ABL1: variants seen among roughly 807,000 people sequenced by gnomAD.
ABL1 encodes the protein ABL proto-oncogene 1, non-receptor tyrosine kinase.
Under a neutral mutation model 94.7 loss-of-function variants are expected in ABL1, and 11 were observed. The ratio of observed to expected loss-of-function variants is 0.12; its 90% CI spans 0.07 to 0.19. The LOEUF (loss-of-function observed/expected upper bound fraction) is 0.19. ABL1 is among the 10% of genes least tolerant of loss of function. The pLI, the probability that ABL1 is intolerant of heterozygous loss-of-function variation, is 1.00. For missense variants in ABL1, 1,082 were observed against 1,489.4 expected (o/e 0.73, Z 4.50); for synonymous variants, 656 against 622.4 (o/e 1.05, Z -0.80).
Position 130,872,772 on chromosome 9 carries a change from A to G in ABL1, c.908-88A>G. 1 of 1,392,236 alleles carries G rather than the reference A, an allele frequency of 7.2e-7. No homozygotes were observed. The highest frequency in any genetic ancestry group is 9.8e-7 in the Non-Finnish European group (1 of 1,015,500). 86.2% of individuals were successfully genotyped at this position (1,392,236 alleles called of 1,614,324 possible). ...GCCCAGGACTGAGGAGCAGAGTCAG[A>G]ATCCTTCAGAAGGCTTTTTCTTTAG... is the stretch of plus-strand genomic sequence containing the variant. On this transcript the variant is annotated intron_variant, in intron 5 of 10. Transcript: ENST00000318560. The surrounding 1 kb of genome is among the most constrained non-coding windows in gnomAD (Gnocchi z 5.0).
chr9:130,860,013 C>A (rs569967738), intron 3 of ABL1, among the ~76,000 whole-genome samples: 1 of 152,154 alleles, frequency 6.6e-6, no homozygotes, highest in Admixed American at 6.5e-5. Flanking sequence ...TGACAAGTCC[C>A]ATCCTTCAGG....
At chr9:130,794,381 T>C (rs1829947436) in intron 1 of ABL1, among the ~76,000 whole-genome samples, 1 of 152,230 alleles carries the variant, frequency 6.6e-6, no homozygotes, top group Admixed American at 6.5e-5. Context: ...TCAAGAGACT[T>C]TGCTTTATGA....
At chr9:130,836,550 G>A (rs1377988925) in intron 1 of ABL1, among the ~76,000 whole-genome samples, 4 of 152,122 alleles carry the variant, frequency 2.6e-5, no homozygotes, top group Admixed American at 6.5e-5. Flanking sequence ...GTGGCCGGGC[G>A]CGGTGGCTCA....
At chr9:130,871,669 G>T (rs553554668) in intron 4 of ABL1, among the ~76,000 whole-genome samples, 1 of 152,228 alleles carries the variant, frequency 6.6e-6, no homozygotes, top group Non-Finnish European at 1.5e-5. Flanking sequence ...TGTCATGAGG[G>T]TCTCTTCCCT....
At chr9:130,796,920 CAAAAAAAAA>C (rs10607745) in intron 1 of ABL1, among the ~76,000 whole-genome samples, 1 of 60,758 alleles carries the variant, frequency 1.6e-5, no homozygotes, top group Non-Finnish European at 3.4e-5. Context: ...AACTTCATCT[CAAAAAAAAA>C]AAAAAAAAAA....
chr9:130,796,766 T>TA (rs11397002), intron 1 of ABL1, among the ~76,000 whole-genome samples: 34,527 of 146,696 alleles, frequency 0.24, 4,992 homozygotes, highest in African/African-American at 0.43. Context: ...TGCCTTTTGT[T>TA]AAAAAAAAAA....
At chr9:130,864,887 G>C (rs1180607878) in intron 4 of ABL1, among the ~76,000 whole-genome samples, 1 of 152,186 alleles carries the variant, frequency 6.6e-6, no homozygotes, top group African/African-American at 2.4e-5. Context: ...AATGAAGGAA[G>C]ATTCCAAGCG....
rs757496386 is a variant in ABL1 at position 130,886,902 on chromosome 9, G to A, written c.*1219G>A. On this transcript the variant is annotated 3_prime_UTR_variant, in exon 11 of 11. Coordinates refer to ENST00000318560, the MANE Select transcript of ABL1 (RefSeq NM_005157.6). ...TGGGCGAATGTCTTATTTAATTACCGTGAGTGACATAGCCTCATGTTCTGT... is the reference window on the plus strand; with the variant it reads ...TGGGCGAATGTCTTATTTAATTACCATGAGTGACATAGCCTCATGTTCTGT... The A allele has an allele frequency of 5.5e-4, 129 of 233,008 alleles. No individual in the cohort carries two copies. The Middle Eastern group carries it at 0.017, about 30-fold the overall frequency. 14.4% of individuals were successfully genotyped at this position (233,008 alleles called of 1,614,324 possible).
rs750336311 is a variant in ABL1 at position 130,862,756 on chromosome 9, C to T, written c.550-7C>T. On this transcript the variant is annotated splice_region_variant and splice_polypyrimidine_tract_variant and intron_variant, in intron 3 of 10. Transcript: ENST00000318560. The surrounding 1 kb of genome is among the most constrained non-coding windows in gnomAD (Gnocchi z 5.5). Reference sequence around the variant, plus strand: ...GTGGGCTGAAGGCTGTTCCCTGTTTCCTTCAGCTCTACGTCTCCTCCGAGA... The same window carrying T: ...GTGGGCTGAAGGCTGTTCCCTGTTTTCTTCAGCTCTACGTCTCCTCCGAGA... 2.5e-5 allele frequency: 40 copies of T among 1,612,390 alleles called. No individual in the cohort carries two copies. Among genetic ancestry groups the T allele is most frequent in the Non-Finnish European group, 3.3e-5 (39 of 1,179,312 alleles).
chr9:130,730,830 C>A (rs1458684991), intron 1 of ABL1, among the ~76,000 whole-genome samples: 2 of 152,066 alleles, frequency 1.3e-5, no homozygotes, highest in East Asian at 3.9e-4. Flanking sequence ...CCTCGGCCTT[C>A]CAAAGTGCTG....
chr9:130,834,905 G>A (rs887285665), upstream of ABL1: 43 of 455,766 alleles, frequency 9.4e-5, no homozygotes, highest in Non-Finnish European at 1.9e-4. Flanking sequence ...GCCTGGCACC[G>A]CGTACTGGGA....
At chr9:130,766,194 C>G (rs1832180875) in intron 1 of ABL1, among the ~76,000 whole-genome samples, 1 of 152,226 alleles carries the variant, frequency 6.6e-6, no homozygotes, top group Non-Finnish European at 1.5e-5. Flanking sequence ...AGACACATAC[C>G]AAGAAGCCTC....
rs1830443681 is a variant in ABL1 at position 130,827,807 on chromosome 9, T to C, written c.137-26257T>C. Among the ~76,000 whole-genome samples the C allele has an allele frequency of 6.6e-5, 10 of 151,934 alleles. No homozygotes were observed. In the South Asian group the frequency reaches 1.9e-3, roughly 28 times the overall value. On this transcript the variant is annotated intron_variant, in intron 1 of 10. Transcript: ENST00000372348. ...CTATTGGGAGGCTGAGGCAGGAGAA[T>C]TGCTTGAACCTGGGAGGCATAGCTT...
chr9:130,762,191 G>T (rs1381457487), intron 1 of ABL1, among the ~76,000 whole-genome samples: 2 of 151,344 alleles, frequency 1.3e-5, no homozygotes. Flanking sequence ...GCTGAAGAAG[G>T]TAACAGTTAC....
chr9:130,812,984 C>T (rs1234246261), intron 1 of ABL1, among the ~76,000 whole-genome samples: 4 of 152,010 alleles, frequency 2.6e-5, no homozygotes, highest in Non-Finnish European at 5.9e-5. Context: ...GAGGCCAAGG[C>T]GGGCGGATCA....
intron 1 of ABL1, among the ~76,000 whole-genome samples, chr9:130,836,498 G>A (rs1457296794): frequency 1.3e-5 from 2 of 152,072 alleles, no homozygotes; most frequent in African/African-American, 4.8e-5. Context: ...GTGGCACTTG[G>A]ACTTCTCTGT....
At chr9:130,809,362 T>G (rs1204187850) in intron 1 of ABL1, among the ~76,000 whole-genome samples, 1 of 145,314 alleles carries the variant, frequency 6.9e-6, no homozygotes, top group Non-Finnish European at 1.5e-5. Flanking sequence ...CTAAGAAGAG[T>G]TGTATTAGTG....
chr9:130,801,637 T>C (rs1315250133), intron 1 of ABL1, among the ~76,000 whole-genome samples: 1 of 152,260 alleles, frequency 6.6e-6, no homozygotes, highest in Non-Finnish European at 1.5e-5. Context: ...GTATAGAGGT[T>C]GACAAGTTTT....
At chr9:130,827,033 G>A in intron 1 of ABL1, among the ~76,000 whole-genome samples, 1 of 152,068 alleles carries the variant, frequency 6.6e-6, no homozygotes, top group Non-Finnish European at 1.5e-5. Flanking sequence ...AGCCGAGATG[G>A]CGCCACTGCA....
Sources: allele counts gnomAD v4.1 joint callset (sites outside exome capture counted in the v4.1 genomes callset), GRCh38; gene constraint gnomAD v4.1.1; non-coding constraint Gnocchi (gnomAD v3.1); transcripts MANE v1.5; gene names NCBI Gene and HGNC (gene_info 2026-07-23, HGNC 2026-07-21).